SEMA3A: variants seen among roughly 807,000 people sequenced by gnomAD.
The protein encoded by SEMA3A is semaphorin-3A.
In SEMA3A, 29 loss-of-function variants were observed where a neutral mutation model predicts 97.9. The observed-to-expected ratio is 0.30, with a 90% confidence interval of 0.22 to 0.40. SEMA3A has a LOEUF of 0.40. SEMA3A is among the 10% of genes least tolerant of loss of function. SEMA3A has a pLI of 1.00. For synonymous variants in SEMA3A, 321 were observed against 323.7 expected (o/e 0.99, Z 0.09); for missense variants, 763 against 951.3 (o/e 0.80, Z 2.60).
chr7:83,977,227 G>C (rs773624858), intron 14 of SEMA3A, 31 bp from the exon 15 acceptor site: 1 of 1,339,698 alleles, frequency 7.5e-7, no homozygotes, highest in South Asian at 1.5e-5. Context: ...AGGTGTTATT[G>C]TATCCTTATT....
intron 2 of SEMA3A, among the ~76,000 whole-genome samples, chr7:84,359,698 G>A (rs539984437): frequency 6.6e-6 from 1 of 152,160 alleles, no homozygotes; most frequent in African/African-American, 2.4e-5. Context: ...GATTGGAATA[G>A]TTTCAGAAGG....
Position 83,961,764 on chromosome 7 carries a change from C to G in SEMA3A, c.1923G>C (p.Gln641His), listed in dbSNP as rs115335242. The G allele has an allele frequency of 6.3e-4, 1,018 of 1,613,962 alleles. 2 individuals are homozygous for G. The African/African-American group carries it at 0.012, about 18-fold the overall frequency. Residue 641 changes from glutamine (Q) to histidine (H), a missense_variant, in exon 17 of 17, where the codon CAG becomes CAC. Physicochemically the swap from Gln to His is conservative, Grantham distance 24 (BLOSUM62 0). Coordinates refer to ENST00000265362, the MANE Select transcript of SEMA3A (RefSeq NM_006080.3). ...GGCAGAGGTAATTGCCTGAATCCTT[C>G]TGTTGTAGACTACGTAGCAGAAGGC... ...DQGLLLRSLQQKDSGNYLCHA... is the reference protein window; with the variant it reads ...DQGLLLRSLQHKDSGNYLCHA...
intron 3 of SEMA3A, among the ~76,000 whole-genome samples, chr7:84,235,398 TG>T (rs1429624501): frequency 2.0e-5 from 3 of 152,042 alleles, no homozygotes; most frequent in African/African-American, 7.2e-5. Context: ...TTTTGTAGTT[TG>T]GAAAAATGTT....
chr7:84,070,258 GA>G (rs1210523784), intron 4 of SEMA3A, among the ~76,000 whole-genome samples: 2 of 152,068 alleles, frequency 1.3e-5, no homozygotes, highest in African/African-American at 2.4e-5. Context: ...AGTTTTCAAC[GA>G]CTGTTTTTAG....
chr7:84,264,649 G>A (rs568974412), intron 3 of SEMA3A, among the ~76,000 whole-genome samples: 33 of 152,276 alleles, frequency 2.2e-4, no homozygotes, highest in African/African-American at 7.7e-4. Context: ...ATGAGAATGA[G>A]CCACATTCAT....
intron 12 of SEMA3A, among the ~76,000 whole-genome samples, chr7:83,995,817 G>A (rs41453047): frequency 0.12 from 18,433 of 152,176 alleles, 1,399 homozygotes; most frequent in Non-Finnish European, 0.17. Flanking sequence ...TTTTCAACCT[G>A]CTGATCTCAG....
intron 3 of SEMA3A, among the ~76,000 whole-genome samples, chr7:84,260,127 G>A (rs1247560204): frequency 1.3e-5 from 2 of 152,088 alleles, no homozygotes; most frequent in Non-Finnish European, 1.5e-5. Context: ...ATAAATGAGG[G>A]AATTAATAAA....
At chr7:84,160,547 T>C (rs1796998225) in intron 1 of SEMA3A, among the ~76,000 whole-genome samples, 2 of 149,370 alleles carry the variant, frequency 1.3e-5, no homozygotes. Flanking sequence ...AGACTCCATC[T>C]CAAGATAAAG....
chr7:84,110,746 T>C (rs1387007709), intron 3 of SEMA3A, among the ~76,000 whole-genome samples, 157 bp from the exon 4 acceptor site: 1 of 152,118 alleles, frequency 6.6e-6, no homozygotes, highest in Non-Finnish European at 1.5e-5. Flanking sequence ...TATTTATTAT[T>C]CTATTGTTTT....
intron 4 of SEMA3A, among the ~76,000 whole-genome samples, chr7:84,078,305 TTC>T (rs1794023696): frequency 6.6e-6 from 1 of 152,028 alleles, no homozygotes; most frequent in African/African-American, 2.4e-5. Context: ...TGAAGGCCTT[TTC>T]ATGAAACCTA....
chr7:84,006,236 A>C (rs1480201188), intron 10 of SEMA3A, among the ~76,000 whole-genome samples: 2 of 152,112 alleles, frequency 1.3e-5, no homozygotes, highest in African/African-American at 4.8e-5. Flanking sequence ...TATTGAATAC[A>C]TTTAATTTTT....
Position 84,407,625 on chromosome 7 carries a change from C to A in SEMA3A, c.-245-35725G>T, listed in dbSNP as rs376769479. ...AAAAGAACAAAGCTGGAGGCATCAC[C>A]GTACCTGACTTCAAACTATACTACA... is the stretch of plus-strand genomic sequence containing the variant. On this transcript the variant is annotated intron_variant, in intron 1 of 3. Coordinates refer to the SEMA3A transcript ENST00000424555. Among the ~76,000 whole-genome samples, 450 of 103,804 alleles carry A rather than the reference C, an allele frequency of 4.3e-3. 2 individuals carry two copies. The highest frequency in any genetic ancestry group is 0.015 in the African/African-American group (412 of 28,106). The allele number at this position is 103,804 out of a possible 152,430, so 68.1% of individuals were successfully genotyped here.
At chr7:84,150,380 C>A (rs944914305) in intron 1 of SEMA3A, among the ~76,000 whole-genome samples, 45 of 152,252 alleles carry the variant, frequency 3.0e-4, no homozygotes, top group Middle Eastern at 3.4e-3. Context: ...TCAGTGGGTG[C>A]GCACACTGTG....
At chr7:84,374,003 G>T (rs1803038388) in intron 1 of SEMA3A, among the ~76,000 whole-genome samples, 1 of 152,156 alleles carries the variant, frequency 6.6e-6, no homozygotes, top group Non-Finnish European at 1.5e-5. Context: ...AAAGGGCCCA[G>T]CTAAAAGAGT....
At chr7:84,051,135 A>C (rs1792621625) in intron 5 of SEMA3A, among the ~76,000 whole-genome samples, 1 of 149,108 alleles carries the variant, frequency 6.7e-6, no homozygotes, top group Non-Finnish European at 1.5e-5. Flanking sequence ...GTTTGAAGTC[A>C]GGTAGTGTGA....
intron 3 of SEMA3A, among the ~76,000 whole-genome samples, chr7:84,124,283 C>T (rs1020061555): frequency 6.6e-6 from 1 of 152,140 alleles, no homozygotes; most frequent in African/African-American, 2.4e-5. Flanking sequence ...AAAGGCACTT[C>T]ATTTCCAGTG....
intron 1 of SEMA3A, among the ~76,000 whole-genome samples, chr7:84,424,631 AT>A (rs1804719690): frequency 2.1e-5 from 2 of 93,318 alleles, no homozygotes; most frequent in East Asian, 3.5e-4. Context: ...TATAATATAT[AT>A]ACAATATATA....
intron 3 of SEMA3A, among the ~76,000 whole-genome samples, chr7:84,282,077 C>CCAA (rs1262845005): frequency 4.6e-5 from 7 of 152,220 alleles, no homozygotes; most frequent in Middle Eastern, 6.8e-3. Flanking sequence ...CTTAACTGCA[C>CCAA]CAACGTTGCA....
intron 15 of SEMA3A, among the ~76,000 whole-genome samples, chr7:83,965,829 T>C (rs1584485456): frequency 6.7e-6 from 1 of 149,590 alleles, no homozygotes; most frequent in South Asian, 2.1e-4. Flanking sequence ...TACAGGTGCC[T>C]GCCACCACGC....
Sources: allele counts gnomAD v4.1 joint callset (sites outside exome capture counted in the v4.1 genomes callset), GRCh38; gene constraint gnomAD v4.1.1; transcripts MANE v1.5; gene names NCBI Gene and HGNC (gene_info 2026-07-23, HGNC 2026-07-21).